PRDM16: variants seen among roughly 807,000 people sequenced by gnomAD.
PRDM16 encodes histone-lysine N-methyltransferase PRDM16.
In PRDM16, 23 loss-of-function variants were observed where a neutral mutation model predicts 110.6. That is an observed-to-expected ratio of 0.21 (90% CI 0.15 to 0.29). The LOEUF is 0.29. PRDM16 is among the 10% of genes least tolerant of loss of function. The pLI is 1.00. For synonymous variants in PRDM16, 799 were observed against 781.8 expected, an observed-to-expected ratio of 1.02 and a Z score of -0.37; for missense variants, 1,615 against 1,794.3, an observed-to-expected ratio of 0.90 and a Z score of 1.81.
In PRDM16 at chr1:3,255,609, C is replaced by T. The variant is rs564171360; in HGVS notation, c.438+11472C>T. ...TGGCTCGAAACAGCACACGGTGCCC[C>T]TCCTTATCGCATTCAACTTAGCTGC... On this transcript the variant is annotated intron_variant, in intron 3 of 16. Coordinates refer to ENST00000270722, the MANE Select transcript of PRDM16 (RefSeq NM_022114.4). The surrounding 1 kb of genome is among the most constrained non-coding windows in gnomAD (Gnocchi z 4.7). Among the ~76,000 whole-genome samples, 3 of 152,342 alleles carry T rather than the reference C, an allele frequency of 2.0e-5. No homozygotes were observed. The East Asian group carries it at 5.8e-4, about 29-fold the overall frequency.
At chr1:3,210,171 C>T (rs756086498) in intron 2 of PRDM16, among the ~76,000 whole-genome samples, 26 of 152,218 alleles carry the variant, frequency 1.7e-4, no homozygotes, top group Non-Finnish European at 2.8e-4. Flanking sequence ...GCAGCTGCTT[C>T]ATGTTACTCT....
chr1:3,335,154 C>G (rs1171372178), intron 3 of PRDM16, among the ~76,000 whole-genome samples: 1 of 152,228 alleles, frequency 6.6e-6, no homozygotes, highest in East Asian at 1.9e-4. Context: ...AGGAGCCCAG[C>G]GTGCGAATTC....
intron 3 of PRDM16, among the ~76,000 whole-genome samples, chr1:3,348,792 A>G (rs1473720505): frequency 6.6e-6 from 1 of 152,114 alleles, no homozygotes; most frequent in Non-Finnish European, 1.5e-5. Context: ...CCTGGGGCTC[A>G]CCCAACTCCA....
At chr1:3,395,237 C>T (rs1353590612) in intron 4 of PRDM16, among the ~76,000 whole-genome samples, 2 of 152,194 alleles carry the variant, frequency 1.3e-5, no homozygotes, top group Non-Finnish European at 2.9e-5. Context: ...TCGGGGGTGC[C>T]CAGCTGTGTC....
chr1:3,079,258 T>C (rs1641965735), intron 1 of PRDM16, among the ~76,000 whole-genome samples: 1 of 152,220 alleles, frequency 6.6e-6, no homozygotes, highest in South Asian at 2.1e-4. Flanking sequence ...TCCGCAGTGG[T>C]GGCCTGAGAG....
At chr1:3,388,828 G>A (rs182383089) in intron 4 of PRDM16, among the ~76,000 whole-genome samples, 48 of 152,280 alleles carry the variant, frequency 3.2e-4, no homozygotes, top group African/African-American at 7.7e-4. Flanking sequence ...AGCCCATCCC[G>A]GGCTCCTCCT....
intron 1 of PRDM16, among the ~76,000 whole-genome samples, chr1:3,182,937 C>T (rs1644228383): frequency 6.6e-6 from 1 of 152,190 alleles, no homozygotes. Flanking sequence ...CCTGCCTCCC[C>T]ACTCCCCTCC....
chr1:3,162,704 G>A (rs989770166), intron 1 of PRDM16, among the ~76,000 whole-genome samples: 3 of 152,228 alleles, frequency 2.0e-5, no homozygotes, highest in Admixed American at 6.5e-5. Flanking sequence ...AGCCAGGCTC[G>A]GTCGGCAGCC....
At chr1:3,181,051 C>A (rs1644154137) in intron 1 of PRDM16, among the ~76,000 whole-genome samples, 1 of 133,984 alleles carries the variant, frequency 7.5e-6, no homozygotes, top group Non-Finnish European at 1.6e-5. Flanking sequence ...CACACGCAGT[C>A]TTACACGCGG....
chr1:3,241,233 G>A (rs1348171577), intron 2 of PRDM16, among the ~76,000 whole-genome samples: 2 of 152,254 alleles, frequency 1.3e-5, no homozygotes, highest in African/African-American at 4.8e-5. Context: ...GCAGGAGGCC[G>A]CTTCTTTCTC....
At chr1:3,286,665 A>C (rs908168666) in intron 3 of PRDM16, among the ~76,000 whole-genome samples, 1 of 151,712 alleles carries the variant, frequency 6.6e-6, no homozygotes, top group Non-Finnish European at 1.5e-5. Flanking sequence ...CTGCACCCCC[A>C]AGTTCCTCCC....
intron 3 of PRDM16, among the ~76,000 whole-genome samples, chr1:3,272,524 C>T (rs988189980): frequency 1.4e-4 from 21 of 152,282 alleles, no homozygotes; most frequent in Admixed American, 5.2e-4. Context: ...ACTGGGGGCT[C>T]GGGAAACACC....
At chr1:3,115,703 C>T (rs1016340624) in intron 1 of PRDM16, among the ~76,000 whole-genome samples, 2 of 152,172 alleles carry the variant, frequency 1.3e-5, no homozygotes, top group African/African-American at 4.8e-5. Context: ...CTGGCCTGGG[C>T]GTCTAGCCCT....
chr1:3,181,664 A>C (rs969179247), intron 1 of PRDM16, among the ~76,000 whole-genome samples: 1 of 113,882 alleles, frequency 8.8e-6, no homozygotes, highest in Admixed American at 8.8e-5. Flanking sequence ...ACGGTCTTAC[A>C]CAGTCTTACA....
chr1:3,074,628 C>T (rs1209451948), intron 1 of PRDM16, among the ~76,000 whole-genome samples: 1 of 152,218 alleles, frequency 6.6e-6, no homozygotes, highest in African/African-American at 2.4e-5. Context: ...TCCCCAAGGG[C>T]AGGCACAGAG....
At chr1:3,082,582 T>C (rs975528886) in intron 1 of PRDM16, among the ~76,000 whole-genome samples, 2 of 152,192 alleles carry the variant, frequency 1.3e-5, no homozygotes, top group Non-Finnish European at 2.9e-5. Flanking sequence ...CGAGGGTCAC[T>C]CCTGGACTCC....
chr1:3,142,137 C>A (rs554523741), intron 1 of PRDM16, among the ~76,000 whole-genome samples: 1 of 152,384 alleles, frequency 6.6e-6, no homozygotes, highest in Admixed American at 6.5e-5. Context: ...CGGCTCCCCC[C>A]GTCCAGGGCC....
chr1:3,085,072 C>A (rs1309647823), intron 1 of PRDM16, among the ~76,000 whole-genome samples: 1 of 152,224 alleles, frequency 6.6e-6, no homozygotes, highest in Non-Finnish European at 1.5e-5. Context: ...CTCTCTGTGT[C>A]AATGGACAGC....
rs1346474541 is a variant in PRDM16, at chr1:3,246,458, A to G, written c.438+2321A>G. Among the ~76,000 whole-genome samples the G allele has an allele frequency of 6.6e-6, 1 of 152,190 alleles. No individual in the cohort carries two copies. Among genetic ancestry groups the G allele is most frequent in the Non-Finnish European group, 1.5e-5 (1 of 68,022 alleles). On this transcript the variant is annotated intron_variant, in intron 3 of 16. Coordinates refer to ENST00000270722, the MANE Select transcript of PRDM16 (RefSeq NM_022114.4). This position sits in a 1 kb window ranked among gnomAD's most constrained non-coding sequence, Gnocchi z 5.2. ...GCCGCGACTGCAGGGAGCTCAGCGC[A>G]GGGTACCAGAGCCAGCATCGGGGGC...
Sources: allele counts gnomAD v4.1 joint callset (sites outside exome capture counted in the v4.1 genomes callset), GRCh38; gene constraint gnomAD v4.1.1; non-coding constraint Gnocchi (gnomAD v3.1); transcripts MANE v1.5; gene names NCBI Gene and HGNC (gene_info 2026-07-23, HGNC 2026-07-21).